The following IRX4 variants were observed in gnomAD, a reference collection of about 807,000 sequenced individuals.
The protein encoded by IRX4 is iroquois-class homeodomain protein IRX-4.
A neutral mutation model predicts 32.0 loss-of-function variants in IRX4; 22 were observed. The observed-to-expected ratio is 0.69, with a 90% CI of 0.49 to 0.98. The LOEUF is 0.98. Among genes scored for constraint, IRX4 ranks in the 50% least tolerant of loss-of-function variants. The pLI is 0.00. For missense variants in IRX4, 840 were observed against 744.2 expected (o/e 1.13, Z -1.50); for synonymous variants, 379 against 351.7 (o/e 1.08, Z -0.87).
Position 1,882,692 on chromosome 5 carries a change from G to A in IRX4, c.-45C>T. 8.0e-7 allele frequency: 1 copy of A among 1,251,568 alleles called. No individual in the cohort carries two copies. Among genetic ancestry groups the A allele is most frequent in the Non-Finnish European group, 1.0e-6 (1 of 964,550 alleles). 77.5% of individuals were successfully genotyped at this position (1,251,568 alleles called of 1,614,324 possible). Reference sequence around the variant, plus strand: ...GGACGGGCGGGGCCTGCAGGGTTCTGCGCGCTGGGGCCGGCGTGGCGCGGC... The same window carrying A: ...GGACGGGCGGGGCCTGCAGGGTTCTACGCGCTGGGGCCGGCGTGGCGCGGC... On this transcript the variant is annotated 5_prime_UTR_variant, in exon 1 of 5. Transcript: ENST00000231357.
At position 1,878,719 on chromosome 5, in the gene IRX4, C is replaced by T. The variant is rs771959144; in HGVS notation, c.810G>A (p.Pro270=). 5 of 1,612,732 alleles carry T rather than the reference C, an allele frequency of 3.1e-6. No homozygotes were observed. Among genetic ancestry groups the T allele is most frequent in the Non-Finnish European group, 3.4e-6 (4 of 1,179,948 alleles). ...LDDFDPLEAE[P]PACELKPPFH... ...AGGGCGGCTTCAGCTCGCACGCCGG[C>T]GGCTCTGCTTCCAGCGGGTCGAAGT... Residue 270 remains proline, a synonymous_variant, in exon 5 of 5, where the codon CCG becomes CCA. Transcript: ENST00000231357.
intron 3 of IRX4, among the ~76,000 whole-genome samples, chr5:1,880,374 C>A (rs1735384629): frequency 6.6e-6 from 1 of 152,216 alleles, no homozygotes; most frequent in Admixed American, 6.5e-5. Flanking sequence ...ACTGTAGGGG[C>A]AGTGTGGACA....
In IRX4 at chr5:1,880,794, C is replaced by T; in HGVS notation, c.338G>A (p.Gly113Glu). 1 of 1,613,698 alleles carries T rather than the reference C, an allele frequency of 6.2e-7. No individual in the cohort carries two copies. The highest frequency in any genetic ancestry group is 1.1e-5 in the South Asian group (1 of 91,080). ...DSKDGSGSAH[G>E]GLAPAAAAYY... ...GGCGGCAGCGGCTGGTGCCAGGCCC[C>T]CATGCGCAGATCCCGAACCATCCTT... Residue 113 changes from glycine to glutamate, a missense_variant, in exon 3 of 5, where the codon GGG (glycine) becomes GAG (glutamate). By Grantham distance (98) the Gly-to-Glu change is moderately conservative. Coordinates refer to ENST00000231357, the MANE Select transcript of IRX4 (RefSeq NM_016358.3).
upstream of IRX4, among the ~76,000 whole-genome samples, chr5:1,883,620 C>A (rs1735532390): frequency 6.6e-6 from 1 of 152,176 alleles, no homozygotes; most frequent in South Asian, 2.1e-4. Context: ...GTAGGGCCGC[C>A]CCGGGCGTGC....
Position 1,879,826 on chromosome 5 carries a change from T to A in IRX4, c.414A>T (p.Gly138=), listed in dbSNP as rs190320397. 1.5e-5 allele frequency: 25 copies of A among 1,613,902 alleles called. No individual in the cohort carries two copies. Among genetic ancestry groups the A allele is most frequent in the Admixed American group, 1.0e-4 (6 of 60,022 alleles). ...TGCGCCGCGTGCCGCTGTCCATGGT[T>A]CCATACCTGGAGACAGGCTCTGCAA... ...ALGQYPYDRY[G]TMDSGTRRKN... The change falls in exon 4 of 5, where the codon GGA becomes GGT. Residue 138 remains glycine (G), a synonymous_variant. Coordinates refer to ENST00000231357, the MANE Select transcript of IRX4 (RefSeq NM_016358.3).
chr5:1,880,028 G>T, intron 3 of IRX4, 196 bp from the exon 4 acceptor site: 1 of 1,520,898 alleles, frequency 6.6e-7, no homozygotes, highest in Non-Finnish European at 8.8e-7. Context: ...CTTGTCTTCT[G>T]TGGCCAAAGG....
At chr5:1,883,442 G>GA (rs1735525230), upstream of IRX4, among the ~76,000 whole-genome samples, 1 of 152,204 alleles carries the variant, frequency 6.6e-6, no homozygotes, top group Non-Finnish European at 1.5e-5. Flanking sequence ...GTTTAATCGA[G>GA]AATCAGCAAC....
At chr5:1,881,077 G>GGGGGGGGGGGGGGGGGGGGGGGCC (rs1735417172) in intron 2 of IRX4, 1 of 337,070 alleles carries the variant, frequency 3.0e-6, no homozygotes, top group Non-Finnish European at 5.4e-6. Context: ...GGGCGGGGGG[G>GGGGGGGGGGGGGGGGGGGGGGGCC]AGGAGGTGCA....
rs1010991483 is a variant in IRX4, at chr5:1,880,135, C to T, written c.408-303G>A. On this transcript the variant is annotated intron_variant, in intron 3 of 4. Coordinates refer to ENST00000231357, the MANE Select transcript of IRX4 (RefSeq NM_016358.3). ...TCCTTTATGGGGATGACCGCCTAGC[C>T]GTTTGATCCTCAAACCATAAAAAGG... is the stretch of plus-strand genomic sequence containing the variant. 55 of 1,535,476 alleles carry T rather than the reference C, an allele frequency of 3.6e-5. 1 individual carries two copies. In the Admixed American group the frequency reaches 9.4e-4, roughly 26 times the overall value.
intron 3 of IRX4, among the ~76,000 whole-genome samples, chr5:1,880,347 G>A (rs560437275): frequency 6.6e-6 from 1 of 152,334 alleles, no homozygotes; most frequent in Admixed American, 6.5e-5. Flanking sequence ...GGCCACCAGG[G>A]GTTCCCCACT....
chr5:1,881,502 G>C (rs1735436549), intron 2 of IRX4, among the ~76,000 whole-genome samples: 1 of 151,916 alleles, frequency 6.6e-6, no homozygotes, highest in Admixed American at 6.6e-5. Context: ...AGGGAATGAG[G>C]GAGGGAAATC....
chr5:1,880,549 G>A (rs1438948400), intron 3 of IRX4, among the ~76,000 whole-genome samples, 176 bp downstream of exon 3: 1 of 152,240 alleles, frequency 6.6e-6, no homozygotes, highest in Non-Finnish European at 1.5e-5. Context: ...GCAGGAGCAG[G>A]TGGGACAGGA....
chr5:1,881,050 CGCGGGCCGGTGGG>C, intron 2 of IRX4: 1 of 120,522 alleles, frequency 8.3e-6, no homozygotes. Context: ...TGTGGTGGAG[CGCGGGCCGGTGGG>C]GGGGGGCGGG....
upstream of IRX4, among the ~76,000 whole-genome samples, chr5:1,883,521 G>C (rs995104143): frequency 1.3e-5 from 2 of 152,226 alleles, no homozygotes; most frequent in East Asian, 3.9e-4. Flanking sequence ...AAGACAGCCC[G>C]CAAGAGCTGG....
Position 1,877,669 on chromosome 5 carries a change from T to TAA in IRX4, c.*298_*299dup. ...TCAGAACGGAACCGCCTTCTCCATG[T>TAA]AAACTTTTGACGTAAACTTTATGCT... On this transcript the variant is annotated 3_prime_UTR_variant, in exon 5 of 5. Transcript: ENST00000231357. The TAA allele has an allele frequency of 2.4e-6, 1 of 413,440 alleles. No homozygotes were observed. Among genetic ancestry groups the TAA allele is most frequent in the Non-Finnish European group, 4.3e-6 (1 of 234,186 alleles). 25.6% of individuals were successfully genotyped at this position (413,440 alleles called of 1,614,324 possible).
At chr5:1,886,336 G>A (rs533494081), upstream of IRX4, among the ~76,000 whole-genome samples, 1 of 152,248 alleles carries the variant, frequency 6.6e-6, no homozygotes. Context: ...GGGGCACCAG[G>A]CAAGGGCCTT....
Position 1,881,831 on chromosome 5 carries a change from C to T in IRX4, c.274G>A (p.Glu92Lys), listed in dbSNP as rs1353318972. The change falls in exon 2 of 5, where the codon GAG becomes AAG. Residue 92 changes from glutamate (E) to lysine (K), a missense_variant. Physicochemically the swap from Glu to Lys is moderately conservative, Grantham distance 56 (BLOSUM62 1). Transcript: ENST00000231357. ...GYGNYVTYGS[E>K]ASAFYSLNSF... is the part of the protein sequence containing the mutation. ...ACCAGCGAGTAGAAGGCGGACGCCT[C>T]CGAGCCGTAGGTCACGTAGTTGCCA... The T allele has an allele frequency of 1.3e-6, 2 of 1,566,176 alleles. No homozygotes were observed. Among genetic ancestry groups the T allele is most frequent in the South Asian group, 1.2e-5 (1 of 85,130 alleles).
rs1225514796 is a variant in IRX4 at position 1,878,324 on chromosome 5, G to A, written c.1205C>T (p.Ala402Val). ...GGGCGCGGAGGACACAGCCGCAGGG[G>A]CCGCGGGACCTTGGCGCTTGAGCAT... ...SCMLKRQGPA[A>V]PAAVSSAPAT... The change falls in exon 5 of 5, where the codon GCC becomes GTC. Residue 402 changes from alanine (A) to valine (V), a missense_variant. Ala to Val is a moderately conservative substitution (Grantham distance 64). Coordinates refer to ENST00000231357, the MANE Select transcript of IRX4 (RefSeq NM_016358.3). The A allele has an allele frequency of 5.1e-6, 8 of 1,560,852 alleles. No homozygotes were observed. The highest frequency in any genetic ancestry group is 1.4e-5 in the African/African-American group (1 of 73,774).
At chr5:1,881,701 C>T (rs1166980419) in intron 2 of IRX4, 107 bp downstream of exon 2, 5 of 1,388,850 alleles carry the variant, frequency 3.6e-6, no homozygotes, top group Non-Finnish European at 4.9e-6. Context: ...GAGCGCCTCC[C>T]CTCTGTGACA....
Sources: gnomAD v4.1 joint callset for allele counts (sites outside exome capture counted in the v4.1 genomes callset) on GRCh38, gnomAD v4.1.1 for gene constraint, MANE v1.5 for transcripts, NCBI Gene and HGNC (gene_info 2026-07-23, HGNC 2026-07-21) for gene names.